Variants in MTAP observed in about 807,000 individuals in gnomAD.
The protein encoded by MTAP is methylthioadenosine phosphorylase.
MTAP carries 33 observed loss-of-function variants against 33.6 expected under a neutral mutation model. The observed-to-expected ratio is 0.98, with a 90% CI of 0.74 to 1.31. The LOEUF (loss-of-function observed/expected upper bound fraction) is 1.31, where lower values mean the gene tolerates loss of function less well. MTAP is among the 40% of genes most tolerant of loss of function. MTAP has a pLI of 0.00. For synonymous variants in MTAP, 148 were observed against 125.7 expected (o/e 1.18, Z -1.19); for missense variants, 367 against 360.0 (o/e 1.02, Z -0.16).
intron 1 of MTAP, chr9:21,813,838 G>A (rs1824411398): frequency 6.6e-6 from 1 of 152,224 alleles, no homozygotes; most frequent in Admixed American, 6.5e-5. Context: ...CGGAATGAAG[G>A]ATAAGATGGA....
At chr9:21,910,237 A>C (rs189591483) in intron 1 of MTAP, among the ~76,000 whole-genome samples, 134 of 152,324 alleles carry the variant, frequency 8.8e-4, no homozygotes, top group African/African-American at 3.1e-3. Context: ...GATAAGATAC[A>C]TAAATTACCA....
At chr9:21,838,793 C>G (rs763310999) in intron 5 of MTAP, among the ~76,000 whole-genome samples, 11 of 152,226 alleles carry the variant, frequency 7.2e-5, no homozygotes, top group Non-Finnish European at 1.3e-4. Flanking sequence ...CTCTTATAAT[C>G]CCAGGTTTGA....
chr9:21,815,786 C>G (rs529114670), intron 2 of MTAP, among the ~76,000 whole-genome samples: 5 of 152,108 alleles, frequency 3.3e-5, no homozygotes, highest in Admixed American at 3.3e-4. Context: ...ATCAGATACT[C>G]ATTTCAGACC....
rs539670820 is a variant in MTAP, at chr9:21,824,829, G to A, written c.347+6627G>A. On this transcript the variant is annotated intron_variant, in intron 4 of 7. Coordinates refer to ENST00000644715, the MANE Select transcript of MTAP (RefSeq NM_002451.4). Reference sequence around the variant, plus strand: ...GCGCCCATCCCCCAGCCTTGCCGCCGCCTTGCAGTTTGATCTCAGGCTGCT... The same window carrying A: ...GCGCCCATCCCCCAGCCTTGCCGCCACCTTGCAGTTTGATCTCAGGCTGCT... 9.8e-5 allele frequency among the ~76,000 whole-genome samples: 15 copies of A among 152,294 alleles called. No homozygotes were observed. The South Asian group carries it at 1.2e-3, about 13-fold the overall frequency.
At chr9:21,851,199 A>C (rs566919703) in intron 5 of MTAP, among the ~76,000 whole-genome samples, 23 of 152,296 alleles carry the variant, frequency 1.5e-4, no homozygotes, top group African/African-American at 5.5e-4. Context: ...CAAGGAAAAA[A>C]CCACAACCTA....
At chr9:21,816,370 C>G (rs1267292316) in intron 2 of MTAP, among the ~76,000 whole-genome samples, 1 of 152,092 alleles carries the variant, frequency 6.6e-6, no homozygotes, top group Non-Finnish European at 1.5e-5. Context: ...TCCTTTCTGC[C>G]TTTCACCTTC....
intron 1 of MTAP, among the ~76,000 whole-genome samples, chr9:21,803,837 C>A (rs1824133327): frequency 6.6e-6 from 1 of 152,116 alleles, no homozygotes; most frequent in Admixed American, 6.5e-5. Flanking sequence ...CGGGAGAAGG[C>A]GAATTTCTGC....
chr9:21,863,147 C>G lies in MTAP; in HGVS notation c.*1133C>G. 2.0e-6 allele frequency: 2 copies of G among 975,826 alleles called. No homozygotes were observed. Among genetic ancestry groups the G allele is most frequent in the Non-Finnish European group, 2.4e-6 (2 of 821,232 alleles). The allele number at this position is 975,826 out of a possible 1,614,324, so 60.4% of individuals were successfully genotyped here. ...TTTAATAGTTTAACTGAAAGTTTAA[C>G]TATTTAAAAGACTAAATGCACATTT... On this transcript the variant is annotated 3_prime_UTR_variant, in exon 8 of 8. Transcript: ENST00000644715.
chr9:21,916,729 A>G (rs1818700234), intron 1 of MTAP, among the ~76,000 whole-genome samples: 1 of 152,188 alleles, frequency 6.6e-6, no homozygotes, highest in Non-Finnish European at 1.5e-5. Flanking sequence ...CTGACACTAG[A>G]TGTACCAGAT....
At chr9:21,925,153 A>G (rs1563873006) in intron 1 of MTAP, among the ~76,000 whole-genome samples, 1 of 152,240 alleles carries the variant, frequency 6.6e-6, no homozygotes, top group Non-Finnish European at 1.5e-5. Flanking sequence ...CGTAGAAGGA[A>G]TGAAAGCTAG....
chr9:21,807,512 C>T (rs1304582880), intron 1 of MTAP, among the ~76,000 whole-genome samples: 1 of 152,070 alleles, frequency 6.6e-6, no homozygotes. Flanking sequence ...TAGGACTGTC[C>T]CAAGCATTGC....
chr9:21,863,363 T>C lies in MTAP; in HGVS notation c.*1349T>C, dbSNP rs1368071620. 39 of 936,604 alleles carry C rather than the reference T, an allele frequency of 4.2e-5. No homozygotes were observed. The highest frequency in any genetic ancestry group is 5.0e-5 in the Non-Finnish European group (39 of 785,598). 58.0% of individuals were successfully genotyped at this position (936,604 alleles called of 1,614,324 possible). ...TTGCTCATCCATGTAATCCCAGCAC[T>C]GTGGGAGGCCGAGACGGGTGGATCA... On this transcript the variant is annotated 3_prime_UTR_variant, in exon 8 of 8. Transcript: ENST00000644715.
chr9:21,819,475 C>A (rs1366905318), intron 4 of MTAP, among the ~76,000 whole-genome samples: 3 of 152,108 alleles, frequency 2.0e-5, no homozygotes, highest in Admixed American at 6.5e-5. Flanking sequence ...GGAACTAATC[C>A]CTTTTTATGG....
In MTAP at chr9:21,826,068, C is replaced by G. The variant is rs150291175; in HGVS notation, c.347+7866C>G. On this transcript the variant is annotated intron_variant, in intron 4 of 7. Coordinates refer to ENST00000644715, the MANE Select transcript of MTAP (RefSeq NM_002451.4). ...CCTTATCCGAGGTATGGTTTGTAAACATTTTTTTCCTATCTATAGGCTGTC... is the reference window on the plus strand; with the variant it reads ...CCTTATCCGAGGTATGGTTTGTAAAGATTTTTTTCCTATCTATAGGCTGTC... Among the ~76,000 whole-genome samples the G allele has an allele frequency of 7.5e-3, 1,147 of 152,038 alleles. 12 individuals carry two copies. Among genetic ancestry groups the G allele is most frequent in the African/African-American group, 0.025 (1,038 of 41,474 alleles).
At chr9:21,809,803 G>A (rs76813056) in intron 1 of MTAP, among the ~76,000 whole-genome samples, 2 of 152,290 alleles carry the variant, frequency 1.3e-5, no homozygotes, top group East Asian at 3.9e-4. Context: ...CTAGAGAAGG[G>A]GAATGTCCTA....
chr9:21,914,396 G>A (rs1818639267), intron 1 of MTAP, among the ~76,000 whole-genome samples: 1 of 152,106 alleles, frequency 6.6e-6, no homozygotes, highest in South Asian at 2.1e-4. Context: ...GTCCATCAAT[G>A]ATAGACCTGA....
intron 1 of MTAP, among the ~76,000 whole-genome samples, chr9:21,913,598 C>T (rs1254288298): frequency 1.3e-5 from 2 of 152,164 alleles, no homozygotes; most frequent in Non-Finnish European, 2.9e-5. Context: ...AAACTGGACC[C>T]CTTCCTTACA....
chr9:21,803,606 C>T (rs1824127173), intron 1 of MTAP, among the ~76,000 whole-genome samples: 1 of 152,074 alleles, frequency 6.6e-6, no homozygotes, highest in Admixed American at 6.5e-5. Flanking sequence ...CAGCTGGCTT[C>T]CCTGGGGTTT....
At chr9:21,895,942 A>T (rs1489115739) in intron 1 of MTAP, among the ~76,000 whole-genome samples, 1 of 152,208 alleles carries the variant, frequency 6.6e-6, no homozygotes, top group Admixed American at 6.5e-5. Context: ...CTCCACCCCA[A>T]ATCAACAGAA....
Sources: gnomAD v4.1 joint callset for allele counts (sites outside exome capture counted in the v4.1 genomes callset) on GRCh38, gnomAD v4.1.1 for gene constraint, MANE v1.5 for transcripts, NCBI Gene and HGNC (gene_info 2026-07-23, HGNC 2026-07-21) for gene names.